The following FOXJ2 variants were observed in gnomAD, a reference collection of about 807,000 sequenced individuals.
FOXJ2 encodes the protein forkhead box J2.
A neutral mutation model predicts 68.4 loss-of-function variants in FOXJ2; 18 were observed. The observed-to-expected ratio is 0.26, with a 90% CI of 0.18 to 0.39. FOXJ2 has a LOEUF of 0.39. Among genes scored for constraint, FOXJ2 ranks in the 10% least tolerant of loss-of-function variants. The pLI is 1.00. For synonymous variants in FOXJ2, 274 were observed against 263.2 expected, an observed-to-expected ratio of 1.04 and a Z score of -0.40; for missense variants, 670 against 726.5, an observed-to-expected ratio of 0.92 and a Z score of 0.89.
At position 8,040,154 on chromosome 12, in the gene FOXJ2, A is replaced by G; in HGVS notation, c.322A>G (p.Ile108Val). The G allele has an allele frequency of 1.2e-6, 2 of 1,614,022 alleles. No individual in the cohort carries two copies. Among genetic ancestry groups the G allele is most frequent in the South Asian group, 2.2e-5 (2 of 91,070 alleles). Residue 108 changes from isoleucine to valine, a missense_variant, in exon 2 of 11, where the codon ATT becomes GTT. Around this residue, in one of 2 missense-constraint regions of FOXJ2, gnomAD observed 115 missense variants for 164.3 expected, o/e 0.70. Coordinates refer to ENST00000162391, the MANE Select transcript of FOXJ2 (RefSeq NM_018416.3). This position sits in a 1 kb window ranked among gnomAD's most constrained non-coding sequence, Gnocchi z 4.0. ...CTTCCCCTATTACAAGAATGCTGGC[A>G]TTGGTTGGAAGGTGGGAATGCTTCT... is the stretch of plus-strand genomic sequence containing the variant. ...DNFPYYKNAG[I>V]GWKNSIRHNL...
intron 1 of FOXJ2, among the ~76,000 whole-genome samples, chr12:8,037,007 T>G (rs1012624575): frequency 3.3e-5 from 5 of 152,188 alleles, no homozygotes; most frequent in African/African-American, 9.7e-5. Context: ...GAAAATCGCT[T>G]GAACCTAGGA....
chr12:8,051,947 C>CA (rs1947131381), intron 10 of FOXJ2, among the ~76,000 whole-genome samples: 1 of 151,026 alleles, frequency 6.6e-6, no homozygotes, highest in Admixed American at 6.6e-5. Flanking sequence ...TGGCTCACTG[C>CA]AACCTCCGCC....
chr12:8,033,821 ACC>A lies in FOXJ2; in HGVS notation c.-26_-25del, dbSNP rs1946865857. 1 of 152,604 alleles carries A rather than the reference ACC, an allele frequency of 6.6e-6. No individual in the cohort carries two copies. Among genetic ancestry groups the A allele is most frequent in the African/African-American group, 2.4e-5 (1 of 41,402 alleles). The allele number at this position is 152,604 out of a possible 1,614,324, so 9.5% of individuals were successfully genotyped here. On this transcript the variant is annotated 5_prime_UTR_variant, in exon 1 of 11. Coordinates refer to ENST00000162391, the MANE Select transcript of FOXJ2 (RefSeq NM_018416.3). ...GTGGTTCCCTCCCTTTGCCGGAGGA[ACC>A]TTGGAGACAGGTTAGTGCTTTCTTT...
At position 8,048,146 on chromosome 12, in the gene FOXJ2, C is replaced by G. The variant is rs369106032; in HGVS notation, c.1082C>G (p.Pro361Arg). 1.2e-6 allele frequency: 2 copies of G among 1,613,896 alleles called. No homozygotes were observed. Among genetic ancestry groups the G allele is most frequent in the Non-Finnish European group, 8.5e-7 (1 of 1,179,878 alleles). The part of the protein sequence containing the change: ...QAGAEGYGPP[P>R]VMAMHPPPLQ... ...GGGGCGGAAGGCTATGGGCCTCCCC[C>G]TGTAATGGCCATGCATCCACCCCCG... The change falls in exon 7 of 11, where the codon CCT (proline) becomes CGT (arginine). Residue 361 changes from proline (P) to arginine (R), a missense_variant. This residue lies in a region of FOXJ2 where 555 missense variants were observed against 562.2 expected (regional missense o/e 0.99). Transcript: ENST00000162391.
intron 1 of FOXJ2, among the ~76,000 whole-genome samples, chr12:8,037,289 G>T (rs1008820728): frequency 6.6e-6 from 1 of 152,062 alleles, no homozygotes; most frequent in African/African-American, 2.4e-5. Flanking sequence ...GGTGCGGAAA[G>T]ATCAAAAGAA....
intron 7 of FOXJ2, 66 bp downstream of exon 7, chr12:8,048,355 A>G: frequency 6.7e-7 from 1 of 1,501,518 alleles, no homozygotes; most frequent in Non-Finnish European, 8.9e-7. Context: ...TAACACCGGC[A>G]TGGAGGTGCA....
rs918398928 is a variant in FOXJ2, at chr12:8,043,955, C to T, written c.482C>T (p.Ser161Phe). The T allele has an allele frequency of 3.1e-5, 48 of 1,559,570 alleles. No homozygotes were observed. The highest frequency in any genetic ancestry group is 3.9e-5 in the Non-Finnish European group (45 of 1,156,528). The stretch of plus-strand genomic sequence containing the variant: ...CTTTTTTTTCACAACCCTCAGCTGT[C>T]CCAAGACTCACCAGAACAGGAGGCA... Reference protein sequence around the residue: ...KRRHPPDDDLSQDSPEQEASK... With the variant: ...KRRHPPDDDLFQDSPEQEASK... Residue 161 changes from serine to phenylalanine, a missense_variant, in exon 5 of 11, where the codon TCC becomes TTC. Around this residue, in one of 2 missense-constraint regions of FOXJ2, gnomAD observed 555 missense variants for 562.2 expected, o/e 0.99. Transcript: ENST00000162391.
At position 8,040,570 on chromosome 12, in the gene FOXJ2, C is replaced by T. The variant is rs966885634; in HGVS notation, c.333+405C>T. Among the ~76,000 whole-genome samples the T allele has an allele frequency of 1.3e-5, 2 of 151,812 alleles. No individual in the cohort carries two copies. The highest frequency in any genetic ancestry group is 2.9e-5 in the Non-Finnish European group (2 of 67,970). ...CTGAGTAGTTGGGATTACAGGTGCC[C>T]GCCACCGTGCCCGGCTGATTTTTTG... On this transcript the variant is annotated intron_variant, in intron 2 of 10. Coordinates refer to ENST00000162391, the MANE Select transcript of FOXJ2 (RefSeq NM_018416.3). The surrounding 1 kb of genome is among the most constrained non-coding windows in gnomAD (Gnocchi z 4.0).
At chr12:8,048,841 G>C in intron 8 of FOXJ2, 43 bp downstream of exon 8, 1 of 1,542,222 alleles carries the variant, frequency 6.5e-7, no homozygotes, top group Non-Finnish European at 8.9e-7. Flanking sequence ...TACACTGTAA[G>C]GGAAAACCCA....
In FOXJ2 at chr12:8,038,519, G is replaced by A. The variant is rs1022929988; in HGVS notation, c.-14-1300G>A. Among the ~76,000 whole-genome samples, 4 of 152,202 alleles carry A rather than the reference G, an allele frequency of 2.6e-5. No individual in the cohort carries two copies. Among genetic ancestry groups the A allele is most frequent in the Admixed American group, 2.6e-4 (4 of 15,284 alleles). On this transcript the variant is annotated intron_variant, in intron 1 of 10. Transcript: ENST00000162391. This position sits in a 1 kb window ranked among gnomAD's most constrained non-coding sequence, Gnocchi z 5.3. Reference sequence around the variant, plus strand: ...CTGGCTCCTCAGGAGAAGTGCCCTGGTGGGACTGAGGAAGACAATGTTAGC... The same window carrying A: ...CTGGCTCCTCAGGAGAAGTGCCCTGATGGGACTGAGGAAGACAATGTTAGC...
At chr12:8,037,741 A>G (rs1169597685) in intron 1 of FOXJ2, among the ~76,000 whole-genome samples, 2 of 151,920 alleles carry the variant, frequency 1.3e-5, no homozygotes, top group African/African-American at 4.8e-5. Flanking sequence ...GTCATTGGAA[A>G]CCTGCTCATT....
Position 8,048,273 on chromosome 12 carries a change from C to T in FOXJ2, c.1209C>T (p.Ile403=), listed in dbSNP as rs1202610288. The change falls in exon 7 of 11, where the codon ATC becomes ATT. Residue 403 remains isoleucine, a synonymous_variant. Transcript: ENST00000162391. ...PQPQAQGQAP[I]NNTGFAFPSD... is the part of the protein sequence containing the mutation. ...CACAGGCACAAGGCCAGGCTCCCAT[C>T]AACAACACTGGCTTTGGTGAGTAAG... The T allele has an allele frequency of 1.3e-6, 2 of 1,574,188 alleles. No homozygotes were observed. The highest frequency in any genetic ancestry group is 2.4e-5 in the South Asian group (2 of 84,836).
At chr12:8,050,643 C>G in intron 10 of FOXJ2, 23 bp downstream of exon 10, 1 of 1,613,312 alleles carries the variant, frequency 6.2e-7, no homozygotes, top group South Asian at 1.1e-5. Context: ...AAGCTTGTTT[C>G]AAAACCGTTG....
intron 10 of FOXJ2, among the ~76,000 whole-genome samples, chr12:8,051,648 G>A (rs1263451020): frequency 1.3e-5 from 2 of 152,132 alleles, no homozygotes; most frequent in Non-Finnish European, 2.9e-5. Flanking sequence ...TGGGACTGAA[G>A]TATCTCTGAT....
rs1947145421 is a variant in FOXJ2, at chr12:8,052,982, A to G, written c.*132A>G. ...ATCCTCTTTTTGTTCTTTCTCTGTC[A>G]GAGAAGCCACTGCAAGATGCTGCCG... On this transcript the variant is annotated 3_prime_UTR_variant, in exon 11 of 11. Transcript: ENST00000162391. 1 of 528,588 alleles carries G rather than the reference A, an allele frequency of 1.9e-6. No homozygotes were observed. The highest frequency in any genetic ancestry group is 3.2e-5 in the East Asian group (1 of 31,730). 32.7% of individuals were successfully genotyped at this position (528,588 alleles called of 1,614,324 possible). A position where few individuals can be genotyped will look rare whatever the true frequency, so the allele number is the denominator to read the frequency against.
chr12:8,037,020 T>C (rs1946905586), intron 1 of FOXJ2, among the ~76,000 whole-genome samples: 1 of 152,032 alleles, frequency 6.6e-6, no homozygotes. Context: ...ACCTAGGAGA[T>C]GGAGGTTGCA....
At position 8,033,814 on chromosome 12, in the gene FOXJ2, C is replaced by T. The variant is rs915266180; in HGVS notation, c.-34C>T. 2.6e-5 allele frequency: 4 copies of T among 152,712 alleles called. No individual in the cohort carries two copies. Among genetic ancestry groups the T allele is most frequent in the African/African-American group, 7.2e-5 (3 of 41,444 alleles). 9.5% of individuals were successfully genotyped at this position (152,712 alleles called of 1,614,324 possible). On this transcript the variant is annotated 5_prime_UTR_variant, in exon 1 of 11. Transcript: ENST00000162391. Reference sequence around the variant, plus strand: ...GTACCAGGTGGTTCCCTCCCTTTGCCGGAGGAACCTTGGAGACAGGTTAGT... The same window carrying T: ...GTACCAGGTGGTTCCCTCCCTTTGCTGGAGGAACCTTGGAGACAGGTTAGT...
At position 8,039,961 on chromosome 12, in the gene FOXJ2, A is replaced by G. The variant is rs759695512; in HGVS notation, c.129A>G (p.Ser43=). Reference sequence around the variant, plus strand: ...CTCCCGGGAGCAGCCGCAAGTGTTCACCAGGGTCACCCACAGATCCTAATG... The same window carrying G: ...CTCCCGGGAGCAGCCGCAAGTGTTCGCCAGGGTCACCCACAGATCCTAATG... ...AGPPGSSRKC[S]PGSPTDPNAT... The change falls in exon 2 of 11, where the codon TCA becomes TCG. Residue 43 remains serine, a synonymous_variant. Coordinates refer to ENST00000162391, the MANE Select transcript of FOXJ2 (RefSeq NM_018416.3). The G allele has an allele frequency of 6.2e-7, 1 of 1,614,094 alleles. No individual in the cohort carries two copies. Among genetic ancestry groups the G allele is most frequent in the Non-Finnish European group, 8.5e-7 (1 of 1,180,010 alleles).
Position 8,043,798 on chromosome 12 carries a change from A to G in FOXJ2, c.477+29A>G, listed in dbSNP as rs781508052. ...AGTTCCCAGCTCATGAGGAGATGCC[A>G]TATCTGAGCCAGCTGCTCCTTCCAC... On this transcript the variant is annotated intron_variant, in intron 4 of 10. Transcript: ENST00000162391. 14 of 1,613,710 alleles carry G rather than the reference A, an allele frequency of 8.7e-6. No individual in the cohort carries two copies. In the Admixed American group the frequency reaches 1.7e-4, roughly 19 times the overall value.
Sources: gnomAD v4.1 joint callset for allele counts (sites outside exome capture counted in the v4.1 genomes callset) on GRCh38, gnomAD v4.1.1 for gene constraint, gnomAD v4.1.1 regional missense constraint, Gnocchi (gnomAD v3.1) non-coding constraint, MANE v1.5 for transcripts, NCBI Gene and HGNC (gene_info 2026-07-23, HGNC 2026-07-21) for gene names.